Variants in NPSR1 observed in about 807,000 individuals in gnomAD.
NPSR1 encodes neuropeptide S receptor.
Under a neutral mutation model 46.9 loss-of-function variants are expected in NPSR1, and 48 were observed. The observed-to-expected ratio is 1.02, with a 90% CI of 0.81 to 1.30. The LOEUF (loss-of-function observed/expected upper bound fraction) is 1.30, where lower values mean the gene tolerates loss of function less well. Ranked by LOEUF, NPSR1 falls within the 50% of genes most tolerant of loss-of-function variation. The pLI is 0.00. For synonymous variants in NPSR1, 176 were observed against 168.1 expected, an observed-to-expected ratio of 1.05 and a Z score of -0.36; for missense variants, 450 against 449.5, an observed-to-expected ratio of 1.00 and a Z score of -0.01.
intron 2 of NPSR1, among the ~76,000 whole-genome samples, chr7:34,693,434 T>A (rs1393201145): frequency 6.6e-6 from 1 of 151,978 alleles, no homozygotes; most frequent in Non-Finnish European, 1.5e-5. Flanking sequence ...CCCCCTAAGA[T>A]TGAACCAGGA....
chr7:34,787,247 C>T (rs1181972438), intron 3 of NPSR1, among the ~76,000 whole-genome samples: 1 of 152,120 alleles, frequency 6.6e-6, no homozygotes, highest in Admixed American at 6.6e-5. Flanking sequence ...GAGACAACTT[C>T]CATCCTTAAA....
intron 1 of NPSR1, among the ~76,000 whole-genome samples, chr7:34,671,907 A>C (rs1792079655): frequency 2.0e-5 from 3 of 152,162 alleles, no homozygotes; most frequent in Admixed American, 2.0e-4. Context: ...CCTCCAGGGG[A>C]AAGTTTCTCA....
intron 6 of NPSR1, among the ~76,000 whole-genome samples, chr7:34,839,275 G>A (rs1427875976): frequency 1.3e-5 from 2 of 152,206 alleles, no homozygotes; most frequent in Non-Finnish European, 2.9e-5. Flanking sequence ...TGATCTACAA[G>A]TTAATAAATT....
At chr7:34,772,825 G>C (rs766714564) in intron 2 of NPSR1, among the ~76,000 whole-genome samples, 6 of 152,038 alleles carry the variant, frequency 3.9e-5, no homozygotes, top group Non-Finnish European at 7.4e-5. Flanking sequence ...CTCCCCATAT[G>C]CCTGCCTTTC....
Position 34,849,810 on chromosome 7 carries a change from A to G in NPSR1, c.*155A>G. The stretch of plus-strand genomic sequence containing the variant: ...GACAAATGTTCTAATGACTGCATGC[A>G]CTGCTTAAGTATTGGCCAACACGAA... On this transcript the variant is annotated 3_prime_UTR_variant, in exon 9 of 9. Transcript: ENST00000360581. 6.9e-7 allele frequency: 1 copy of G among 1,440,456 alleles called. No individual in the cohort carries two copies. The highest frequency in any genetic ancestry group is 9.1e-7 in the Non-Finnish European group (1 of 1,097,988). The allele number at this position is 1,440,456 out of a possible 1,614,324, so 89.2% of individuals were successfully genotyped here. A position where few individuals can be genotyped will look rare whatever the true frequency, so the allele number is the denominator to read the frequency against.
At chr7:34,731,363 G>A (rs2128713820) in intron 2 of NPSR1, among the ~76,000 whole-genome samples, 1 of 152,054 alleles carries the variant, frequency 6.6e-6, no homozygotes, top group East Asian at 1.9e-4. Flanking sequence ...CTAAATAAAT[G>A]AAAATAAAAA....
chr7:34,782,128 G>T (rs1045851810), intron 3 of NPSR1, among the ~76,000 whole-genome samples: 1 of 152,130 alleles, frequency 6.6e-6, no homozygotes, highest in African/African-American at 2.4e-5. Context: ...ACACTACTTT[G>T]CATGTGCACT....
intron 3 of NPSR1, among the ~76,000 whole-genome samples, chr7:34,807,328 CTTATG>C (rs748403705): frequency 1.2e-4 from 18 of 151,632 alleles, no homozygotes; most frequent in Non-Finnish European, 2.2e-4. Flanking sequence ...GTGTACTATT[CTTATG>C]TTATGAAGTC....
intron 2 of NPSR1, among the ~76,000 whole-genome samples, chr7:34,689,363 T>C (rs1793101353): frequency 6.6e-6 from 1 of 152,024 alleles, no homozygotes; most frequent in African/African-American, 2.4e-5. Flanking sequence ...CCCAGCACTT[T>C]GGGAGGCCAA....
intron 3 of NPSR1, among the ~76,000 whole-genome samples, chr7:34,807,871 A>C (rs563097952): frequency 1.3e-5 from 2 of 152,070 alleles, no homozygotes; most frequent in South Asian, 4.2e-4. Context: ...GTAGGCTTGA[A>C]AAAAGCTCCC....
chr7:34,799,676 A>C (rs1423480710), intron 3 of NPSR1, among the ~76,000 whole-genome samples: 1 of 146,158 alleles, frequency 6.8e-6, no homozygotes, highest in Non-Finnish European at 1.5e-5. Flanking sequence ...CAAAATAACC[A>C]GCTAACATCA....
intron 7 of NPSR1, among the ~76,000 whole-genome samples, chr7:34,847,612 C>T (rs546846416): frequency 1.1e-4 from 17 of 152,254 alleles, no homozygotes; most frequent in African/African-American, 3.1e-4. Context: ...AGAAGACCAA[C>T]GTCCTAGCTC....
chr7:34,782,905 C>T (rs1003203817), intron 3 of NPSR1, among the ~76,000 whole-genome samples: 1 of 151,616 alleles, frequency 6.6e-6, no homozygotes, highest in Non-Finnish European at 1.5e-5. Flanking sequence ...AACAGTACAA[C>T]CAAAACAAAG....
intron 1 of NPSR1, among the ~76,000 whole-genome samples, chr7:34,680,939 G>C (rs560577304): frequency 5.8e-5 from 8 of 137,730 alleles, no homozygotes; most frequent in Non-Finnish European, 7.8e-5. Context: ...TGTTGATAAA[G>C]GTTTTTTTTT....
At chr7:34,665,793 T>C (rs1335216683) in intron 1 of NPSR1, among the ~76,000 whole-genome samples, 5 of 151,094 alleles carry the variant, frequency 3.3e-5, no homozygotes, top group Admixed American at 1.3e-4. Context: ...TTCACCTACA[T>C]ACACACACAC....
intron 2 of NPSR1, chr7:34,753,421 C>T (rs1376157232): frequency 1.3e-5 from 2 of 152,230 alleles, no homozygotes; most frequent in East Asian, 1.9e-4. Flanking sequence ...GAACAGAAGA[C>T]CAGCCAGGTG....
rs187773353 is a variant in NPSR1 at position 34,833,476 on chromosome 7, G to A, written c.681-908G>A. On this transcript the variant is annotated intron_variant, in intron 5 of 8. Coordinates refer to ENST00000360581, the MANE Select transcript of NPSR1 (RefSeq NM_207172.2). ...TAGTCTCTACTAATTTTCCAGCACC[G>A]TACTTGGCACTTTAAATATTGTCAC... Among the ~76,000 whole-genome samples, 14 of 152,290 alleles carry A rather than the reference G, an allele frequency of 9.2e-5. No homozygotes were observed. In the East Asian group the frequency reaches 1.2e-3, roughly 13 times the overall value.
intron 8 of NPSR1, among the ~76,000 whole-genome samples, chr7:34,858,760 T>A (rs574489922): frequency 2.0e-5 from 3 of 151,798 alleles, no homozygotes; most frequent in African/African-American, 7.3e-5. Flanking sequence ...CCATTCACTA[T>A]CACAAGAACA....
intron 2 of NPSR1, among the ~76,000 whole-genome samples, chr7:34,766,055 TA>T (rs968258729): frequency 9.9e-5 from 15 of 151,802 alleles, no homozygotes; most frequent in Non-Finnish European, 1.9e-4. Context: ...AAATCATTTC[TA>T]AAAAAAGAAA....
Sources: allele counts gnomAD v4.1 joint callset (sites outside exome capture counted in the v4.1 genomes callset), GRCh38; gene constraint gnomAD v4.1.1; transcripts MANE v1.5; gene names NCBI Gene and HGNC (gene_info 2026-07-23, HGNC 2026-07-21).